OLA1: variants seen among roughly 807,000 people sequenced by gnomAD.
OLA1 encodes Obg like ATPase 1.
A neutral mutation model predicts 48.4 loss-of-function variants in OLA1; 14 were observed. That is an observed-to-expected ratio of 0.29 (90% CI 0.19 to 0.45). The LOEUF (loss-of-function observed/expected upper bound fraction) is 0.45. Ranked by LOEUF, OLA1 falls within the 20% of genes least tolerant of loss-of-function variation. The pLI is 1.00. For synonymous variants in OLA1, 127 were observed against 150.4 expected, an observed-to-expected ratio of 0.84 and a Z score of 1.14; for missense variants, 325 against 467.1, an observed-to-expected ratio of 0.70 and a Z score of 2.80.
chr2:174,179,191 A>C (rs2105412149), intron 4 of OLA1, among the ~76,000 whole-genome samples: 1 of 151,962 alleles, frequency 6.6e-6, no homozygotes, highest in African/African-American at 2.4e-5. Context: ...TCCAGGATAA[A>C]ACATAACCAT....
chr2:174,170,759 C>T (rs975538530), intron 4 of OLA1, among the ~76,000 whole-genome samples: 1 of 152,074 alleles, frequency 6.6e-6, no homozygotes, highest in African/African-American at 2.4e-5. Context: ...AAAAAATTAG[C>T]CAGGCATGGT....
chr2:174,194,562 C>T (rs888485384), intron 4 of OLA1, among the ~76,000 whole-genome samples: 6 of 152,254 alleles, frequency 3.9e-5, no homozygotes, highest in Non-Finnish European at 5.9e-5. Context: ...TTTTAAAACC[C>T]CTTTTTAAAA....
At chr2:174,142,022 C>A (rs1166598827) in intron 4 of OLA1, 22 bp from the exon 5 acceptor site, 2 of 1,603,482 alleles carry the variant, frequency 1.2e-6, no homozygotes, top group African/African-American at 2.7e-5. Context: ...TAAAGGGAAG[C>A]AATTCAATAA....
intron 4 of OLA1, among the ~76,000 whole-genome samples, chr2:174,221,636 C>T (rs933498967): frequency 1.3e-5 from 2 of 152,176 alleles, no homozygotes; most frequent in African/African-American, 4.8e-5. Context: ...TTCTGACAGA[C>T]ACCTATCAGG....
At chr2:174,086,103 C>A (rs1175766233) in intron 7 of OLA1, among the ~76,000 whole-genome samples, 1 of 152,104 alleles carries the variant, frequency 6.6e-6, no homozygotes, top group African/African-American at 2.4e-5. Flanking sequence ...GAGAGATCTA[C>A]GGAGGGTCCT....
Position 174,081,165 on chromosome 2 carries a change from G to A in OLA1, c.953C>T (p.Ala318Val), listed in dbSNP as rs1684845313. Reference protein sequence around the residue: ...FFTAGPDEVRAWTIRKGTKAP... With the variant: ...FFTAGPDEVRVWTIRKGTKAP... Reference sequence around the variant, plus strand: ...TATGAATCTTACCCTGATGGTCCATGCACGCACTTCATCTGGGCCTGCAGT... The same window carrying A: ...TATGAATCTTACCCTGATGGTCCATACACGCACTTCATCTGGGCCTGCAGT... The change falls in exon 9 of 11, where the codon GCA becomes GTA. Residue 318 changes from alanine (A) to valine (V), a missense_variant. Coordinates refer to ENST00000284719, the MANE Select transcript of OLA1 (RefSeq NM_013341.5). 3.7e-6 allele frequency: 6 copies of A among 1,611,544 alleles called. No individual in the cohort carries two copies. The highest frequency in any genetic ancestry group is 4.2e-6 in the Non-Finnish European group (5 of 1,178,272).
At chr2:174,094,553 A>G (rs749955570) in intron 7 of OLA1, among the ~76,000 whole-genome samples, 6 of 152,178 alleles carry the variant, frequency 3.9e-5, no homozygotes, top group Non-Finnish European at 5.9e-5. Flanking sequence ...AGTACTCAAG[A>G]CTCGGCAGCA....
At chr2:174,202,777 AAT>A (rs1167870434) in intron 4 of OLA1, among the ~76,000 whole-genome samples, 1 of 152,206 alleles carries the variant, frequency 6.6e-6, no homozygotes, top group Non-Finnish European at 1.5e-5. Flanking sequence ...TGATTTTCTT[AAT>A]AATAGTCTTT....
intron 4 of OLA1, among the ~76,000 whole-genome samples, chr2:174,205,043 A>G (rs559444051): frequency 1.6e-4 from 24 of 152,312 alleles, no homozygotes; most frequent in Admixed American, 1.2e-3. Context: ...CATATCTAAA[A>G]CGGTGTTAAA....
intron 2 of OLA1, among the ~76,000 whole-genome samples, chr2:174,231,792 G>A (rs1393409209): frequency 6.6e-6 from 1 of 152,090 alleles, no homozygotes; most frequent in African/African-American, 2.4e-5. Flanking sequence ...TAAGGAAGAA[G>A]GAAAAAGAAA....
chr2:174,247,673 G>A lies in OLA1; in HGVS notation c.-1+779C>T, dbSNP rs1275009486. On this transcript the variant is annotated intron_variant, in intron 1 of 10. Transcript: ENST00000284719. ...TTTCACATAGATGAACACCCACCAGGTACTGGGGTCCTTCCACCAAGTCCC... is the reference window on the plus strand; with the variant it reads ...TTTCACATAGATGAACACCCACCAGATACTGGGGTCCTTCCACCAAGTCCC... The A allele has an allele frequency of 1.9e-6, 3 of 1,550,894 alleles. No homozygotes were observed. In the African/African-American group the frequency reaches 4.1e-5, roughly 21 times the overall value.
At chr2:174,158,731 T>C (rs759534188) in intron 4 of OLA1, among the ~76,000 whole-genome samples, 7 of 152,296 alleles carry the variant, frequency 4.6e-5, no homozygotes, top group Admixed American at 2.0e-4. Context: ...TACAGAACTA[T>C]TTTGTCTTTA....
chr2:174,134,413 T>A (rs1021433920), intron 5 of OLA1, among the ~76,000 whole-genome samples: 2 of 152,242 alleles, frequency 1.3e-5, no homozygotes, highest in African/African-American at 4.8e-5. Context: ...ATTCATCACC[T>A]CATACATTCA....
chr2:174,079,132 T>C (rs771344566), intron 9 of OLA1, 42 bp from the exon 10 acceptor site: 2 of 1,547,182 alleles, frequency 1.3e-6, no homozygotes, highest in Non-Finnish European at 1.7e-6. Flanking sequence ...GCATTTAAGA[T>C]GACTGATTGT....
At chr2:174,098,253 G>A (rs1046723042) in intron 7 of OLA1, among the ~76,000 whole-genome samples, 4 of 152,106 alleles carry the variant, frequency 2.6e-5, no homozygotes, top group Admixed American at 1.3e-4. Context: ...TTTTCCCTAC[G>A]AGCAGTACGC....
At chr2:174,134,387 T>G (rs1003736646) in intron 5 of OLA1, among the ~76,000 whole-genome samples, 1 of 152,214 alleles carries the variant, frequency 6.6e-6, no homozygotes, top group African/African-American at 2.4e-5. Context: ...TAATTATAAA[T>G]CTGGGTATTA....
intron 7 of OLA1, among the ~76,000 whole-genome samples, chr2:174,085,556 C>T (rs1292192322): frequency 2.0e-5 from 3 of 152,150 alleles, no homozygotes; most frequent in South Asian, 2.1e-4. Context: ...CCAACAAGGT[C>T]GGGGACCGCT....
At chr2:174,162,288 C>T (rs544178354) in intron 4 of OLA1, among the ~76,000 whole-genome samples, 5 of 151,986 alleles carry the variant, frequency 3.3e-5, no homozygotes, top group Non-Finnish European at 7.4e-5. Context: ...CAGGAAGGCA[C>T]GAATGTTTTA....
intron 4 of OLA1, among the ~76,000 whole-genome samples, chr2:174,163,597 G>A (rs1370300777): frequency 6.6e-6 from 1 of 150,812 alleles, no homozygotes; most frequent in Non-Finnish European, 1.5e-5. Context: ...GGCTGAGGCA[G>A]GAGAATTGCT....
Sources: gnomAD v4.1 joint callset for allele counts (sites outside exome capture counted in the v4.1 genomes callset) on GRCh38, gnomAD v4.1.1 for gene constraint, MANE v1.5 for transcripts, NCBI Gene and HGNC (gene_info 2026-07-23, HGNC 2026-07-21) for gene names.